Variants in PARD3B observed in about 807,000 individuals in gnomAD.
PARD3B encodes the protein partitioning defective 3 homolog B.
In PARD3B, 103 loss-of-function variants were observed where a neutral mutation model predicts 130.2. The ratio of observed to expected loss-of-function variants is 0.79; its 90% CI spans 0.67 to 0.93. The LOEUF (loss-of-function observed/expected upper bound fraction) is 0.93. Among genes scored for constraint, PARD3B ranks in the 40% least tolerant of loss-of-function variants. The pLI is 0.00. For missense variants in PARD3B, 1,609 were observed against 1,499.2 expected, an observed-to-expected ratio of 1.07 and a Z score of -1.21; for synonymous variants, 583 against 553.2, an observed-to-expected ratio of 1.05 and a Z score of -0.76.
intron 3 of PARD3B, among the ~76,000 whole-genome samples, chr2:204,990,594 A>G (rs1693575485): frequency 6.6e-6 from 1 of 152,056 alleles, no homozygotes; most frequent in Non-Finnish European, 1.5e-5. Context: ...TTATTTACAT[A>G]TTAAGAACAC....
chr2:205,525,921 C>T lies in PARD3B; in HGVS notation c.3180+25890C>T, dbSNP rs930427569. ...CCTTTTTCAAAAATCATCTTAGAAT[C>T]GAACCAGTCTTACTCTGATTTTCAT... On this transcript the variant is annotated intron_variant, in intron 21 of 22. Transcript: ENST00000406610. This position sits in a 1 kb window ranked among gnomAD's most constrained non-coding sequence, Gnocchi z 4.2. Among the ~76,000 whole-genome samples, 6 of 152,216 alleles carry T rather than the reference C, an allele frequency of 3.9e-5. No homozygotes were observed. Among genetic ancestry groups the T allele is most frequent in the Admixed American group, 1.3e-4 (2 of 15,284 alleles).
rs1162204906 is a variant in PARD3B, at chr2:205,397,367, T to G, written c.2631-3646T>G. Among the ~76,000 whole-genome samples, 1 of 152,238 alleles carries G rather than the reference T, an allele frequency of 6.6e-6. No homozygotes were observed. The highest frequency in any genetic ancestry group is 1.5e-5 in the Non-Finnish European group (1 of 68,046). ...TTTGTAGAATTGCTTGATTTGACTG[T>G]TATTGGCAGTTCTTGCTAAGAAGAA... On this transcript the variant is annotated intron_variant, in intron 18 of 22. Coordinates refer to ENST00000406610, the MANE Select transcript of PARD3B (RefSeq NM_001302769.2). This position sits in a 1 kb window ranked among gnomAD's most constrained non-coding sequence, Gnocchi z 4.8.
intron 15 of PARD3B, among the ~76,000 whole-genome samples, chr2:205,240,606 C>G (rs2039309582): frequency 6.6e-6 from 1 of 152,140 alleles, no homozygotes; most frequent in East Asian, 1.9e-4. Flanking sequence ...ATAACTGTAG[C>G]TGATGGCAAT....
At chr2:205,172,160 C>A in intron 11 of PARD3B, 51 bp from the exon 12 acceptor site, 1 of 1,561,830 alleles carries the variant, frequency 6.4e-7, no homozygotes, top group South Asian at 1.2e-5. Flanking sequence ...CGCCACATGT[C>A]ATCACCATAC....
At chr2:204,639,419 A>G (rs568977813) in intron 1 of PARD3B, among the ~76,000 whole-genome samples, 3 of 152,292 alleles carry the variant, frequency 2.0e-5, no homozygotes, top group East Asian at 1.9e-4. Context: ...AAATACTTCT[A>G]TATAAACAGG....
rs2041420426 is a variant in PARD3B, at chr2:205,287,040, T to C, written c.2186-13490T>C. ...CTTGATGTAGAAGATTTGTCACTTG[T>C]AAAATCCATGCAGCAACAGACTGGA... On this transcript the variant is annotated intron_variant, in intron 16 of 22. Transcript: ENST00000406610. The surrounding 1 kb of genome is among the most constrained non-coding windows in gnomAD (Gnocchi z 4.8). Among the ~76,000 whole-genome samples, 1 of 152,174 alleles carries C rather than the reference T, an allele frequency of 6.6e-6. No individual in the cohort carries two copies. The highest frequency in any genetic ancestry group is 2.4e-5 in the African/African-American group (1 of 41,436).
intron 22 of PARD3B, among the ~76,000 whole-genome samples, chr2:205,606,714 T>C (rs771760485): frequency 5.3e-5 from 8 of 152,234 alleles, no homozygotes; most frequent in African/African-American, 9.6e-5. Context: ...TGTCTCTGTT[T>C]CCAGAACACT....
intron 20 of PARD3B, among the ~76,000 whole-genome samples, chr2:205,486,855 C>A (rs923518105): frequency 6.6e-6 from 1 of 151,962 alleles, no homozygotes; most frequent in Admixed American, 6.6e-5. Context: ...AACCGTACCA[C>A]GAGTTGAGAA....
intron 10 of PARD3B, among the ~76,000 whole-genome samples, chr2:205,157,748 A>G (rs1401449943): frequency 1.3e-5 from 2 of 152,160 alleles, no homozygotes; most frequent in Non-Finnish European, 2.9e-5. Flanking sequence ...TTCCAGGAGT[A>G]TCTCATTGTC....
At chr2:205,083,643 C>T (rs1170563759) in intron 4 of PARD3B, among the ~76,000 whole-genome samples, 11 of 150,980 alleles carry the variant, frequency 7.3e-5, no homozygotes, top group Admixed American at 1.3e-4. Context: ...ACAATTTTTG[C>T]CCTCAAAATT....
intron 1 of PARD3B, among the ~76,000 whole-genome samples, chr2:204,562,067 T>C (rs761013891): frequency 4.6e-5 from 7 of 152,086 alleles, no homozygotes; most frequent in Non-Finnish European, 7.4e-5. Flanking sequence ...CACACACACA[T>C]ACAACAAACC....
At chr2:205,495,343 G>C (rs538402834) in intron 20 of PARD3B, among the ~76,000 whole-genome samples, 1 of 152,286 alleles carries the variant, frequency 6.6e-6, no homozygotes, top group South Asian at 2.1e-4. Flanking sequence ...CATCGAAAGT[G>C]TAAGACTGTC....
intron 19 of PARD3B, among the ~76,000 whole-genome samples, chr2:205,428,360 A>C (rs1048156285): frequency 2.6e-5 from 4 of 152,192 alleles, no homozygotes; most frequent in African/African-American, 9.7e-5. Context: ...TGCCTGGGCA[A>C]CAGAACCAGA....
rs1177181729 is a variant in PARD3B, at chr2:205,300,780, TATC to T, written c.2392+45_2392+47del. The T allele has an allele frequency of 1.3e-6, 2 of 1,560,594 alleles. No individual in the cohort carries two copies. The highest frequency in any genetic ancestry group is 2.7e-5 in the African/African-American group (2 of 73,564). On this transcript the variant is annotated intron_variant, in intron 17 of 22. Transcript: ENST00000406610. The surrounding 1 kb of genome is among the most constrained non-coding windows in gnomAD (Gnocchi z 4.1). ...TTAAATGGCTTCTTCATCTCATTAT[TATC>T]TGCAAATCATGGGCAAGAATGTGTG... is the stretch of plus-strand genomic sequence containing the variant.
At chr2:204,683,734 C>A (rs2036949360) in intron 1 of PARD3B, among the ~76,000 whole-genome samples, 1 of 152,136 alleles carries the variant, frequency 6.6e-6, no homozygotes, top group South Asian at 2.1e-4. Context: ...CTACTCTTTT[C>A]TTCTTTGGAA....
chr2:205,509,108 A>G (rs1575200235), intron 21 of PARD3B, among the ~76,000 whole-genome samples: 2 of 152,272 alleles, frequency 1.3e-5, no homozygotes, highest in East Asian at 3.9e-4. Context: ...TATAGCATAA[A>G]TCATTTTTGA....
chr2:204,764,743 T>TGTGTGTGTGTGTGTG (rs1559126865), intron 2 of PARD3B, among the ~76,000 whole-genome samples: 1 of 151,112 alleles, frequency 6.6e-6, no homozygotes, highest in African/African-American at 2.4e-5. Context: ...TGTGTGTGTG[T>TGTGTGTGTGTGTGTG]AGTTAATTTT....
At chr2:204,622,581 CTTTA>C (rs61513155) in intron 1 of PARD3B, among the ~76,000 whole-genome samples, 2,070 of 151,674 alleles carry the variant, frequency 0.014, 44 homozygotes, top group African/African-American at 0.045. Context: ...ATTTTATAAT[CTTTA>C]TTTATAGAAT....
intron 20 of PARD3B, among the ~76,000 whole-genome samples, chr2:205,488,762 T>C (rs898678249): frequency 3.9e-5 from 6 of 152,286 alleles, no homozygotes; most frequent in African/African-American, 1.4e-4. Flanking sequence ...CAGTTCATGT[T>C]CAGGGACATA....
Sources: gnomAD v4.1 joint callset for allele counts (sites outside exome capture counted in the v4.1 genomes callset) on GRCh38, gnomAD v4.1.1 for gene constraint, Gnocchi (gnomAD v3.1) non-coding constraint, MANE v1.5 for transcripts, NCBI Gene and HGNC (gene_info 2026-07-23, HGNC 2026-07-21) for gene names.